MYO5A: variants seen among roughly 807,000 people sequenced by gnomAD.
MYO5A encodes unconventional myosin-Va.
Under a neutral mutation model 249.7 loss-of-function variants are expected in MYO5A, and 98 were observed. The observed-to-expected ratio is 0.39, with a 90% CI of 0.33 to 0.46. The LOEUF (loss-of-function observed/expected upper bound fraction) is 0.46, where lower values mean the gene tolerates loss of function less well. Ranked by LOEUF, MYO5A falls within the 20% of genes least tolerant of loss-of-function variation. The pLI, the probability that MYO5A is intolerant of heterozygous loss-of-function variation, is 0.98. For synonymous variants in MYO5A, 778 were observed against 810.6 expected, an observed-to-expected ratio of 0.96 and a Z score of 0.68; for missense variants, 1,696 against 2,308.8, an observed-to-expected ratio of 0.73 and a Z score of 5.44.
At chr15:52,515,867 C>T (rs1321206911) in intron 1 of MYO5A, among the ~76,000 whole-genome samples, 1 of 151,638 alleles carries the variant, frequency 6.6e-6, no homozygotes, top group Non-Finnish European at 1.5e-5. Flanking sequence ...AGCCCAGGAA[C>T]ATCAATATCT....
Position 52,389,316 on chromosome 15 carries a change from T to C in MYO5A, c.1590A>G (p.Thr530=), listed in dbSNP as rs764272002. Residue 530 remains threonine (T), a synonymous_variant, in exon 13 of 42, where the codon ACA becomes ACG. Coordinates refer to ENST00000399233, the MANE Select transcript of MYO5A (RefSeq NM_001382347.1). ...CAAAGAGTGCACATTTGTTCAAATG[T>C]GTGTTGTACAATTTTTGGGCCCAGG... is the stretch of plus-strand genomic sequence containing the variant. ...DDTWAQKLYN[T]HLNKCALFEK... 10 of 1,612,944 alleles carry C rather than the reference T, an allele frequency of 6.2e-6. No individual in the cohort carries two copies. In the South Asian group the frequency reaches 8.8e-5, roughly 14 times the overall value.
At chr15:52,467,307 T>C (rs577310521) in intron 1 of MYO5A, among the ~76,000 whole-genome samples, 15 of 152,236 alleles carry the variant, frequency 9.9e-5, no homozygotes, top group South Asian at 6.2e-4. Context: ...AGGATGCACA[T>C]GAGGAATTTA....
intron 27 of MYO5A, among the ~76,000 whole-genome samples, chr15:52,352,815 T>C (rs1466599218): frequency 6.6e-6 from 1 of 152,052 alleles, no homozygotes; most frequent in African/African-American, 2.4e-5. Context: ...AAAAAAACTA[T>C]TTAAAGTCCT....
rs36078972 is a variant in MYO5A at position 52,308,836 on chromosome 15, T to C, written c.*4860A>G. On this transcript the variant is annotated 3_prime_UTR_variant, in exon 42 of 42. Transcript: ENST00000399233. The stretch of plus-strand genomic sequence containing the variant: ...AAGGGAGCAAGGGTTAAGGCGGCCC[T>C]CACAGCACAGCCTGAGAACAAATTA... 0.1 allele frequency: 15,226 copies of C among 152,862 alleles called. 927 individuals carry two copies. The highest frequency in any genetic ancestry group is 0.21 in the East Asian group (1,112 of 5,188). 9.5% of individuals were successfully genotyped at this position (152,862 alleles called of 1,614,324 possible).
intron 28 of MYO5A, among the ~76,000 whole-genome samples, chr15:52,350,002 G>A (rs3794568): frequency 0.15 from 22,856 of 152,248 alleles, 1,815 homozygotes; most frequent in Middle Eastern, 0.22. Flanking sequence ...GCACGATCTC[G>A]GCTCACTGCA....
chr15:52,500,400 G>A (rs1595800064), intron 1 of MYO5A, among the ~76,000 whole-genome samples: 1 of 143,466 alleles, frequency 7.0e-6, no homozygotes, highest in African/African-American at 2.6e-5. Context: ...GAGCTGGAGT[G>A]CAATAGCACG....
rs1567074658 is a variant in MYO5A at position 52,384,323 on chromosome 15, C to T, written c.1753-1G>A. On this transcript the variant is annotated splice_acceptor_variant, in intron 14 of 41. Transcript: ENST00000399233. LOFTEE classifies it high-confidence loss of function. ...GAAATAGTTCTGGTAGCATCTTAAA[C>T]TAAGTCAGAAACAATATAAAGAAAT... 6.2e-7 allele frequency: 1 copy of T among 1,614,056 alleles called. No individual in the cohort carries two copies. The highest frequency in any genetic ancestry group is 8.5e-7 in the Non-Finnish European group (1 of 1,179,908).
intron 1 of MYO5A, among the ~76,000 whole-genome samples, chr15:52,445,920 C>A (rs1045227090): frequency 1.3e-5 from 2 of 152,108 alleles, no homozygotes; most frequent in Admixed American, 6.5e-5. Context: ...AGCAAAGAAG[C>A]GACTTAAAGT....
intron 37 of MYO5A, among the ~76,000 whole-genome samples, chr15:52,322,763 C>CT (rs1305205910): frequency 1.3e-5 from 2 of 150,540 alleles, no homozygotes; most frequent in African/African-American, 4.9e-5. Context: ...TTTTTGATCA[C>CT]CCTTTTTTTT....
intron 20 of MYO5A, among the ~76,000 whole-genome samples, chr15:52,372,717 T>C (rs1413976313): frequency 6.6e-6 from 1 of 152,100 alleles, no homozygotes; most frequent in East Asian, 1.9e-4. Flanking sequence ...AAAAAATACA[T>C]TAGGTTTCTT....
chr15:52,410,920 C>G (rs1482857214), intron 5 of MYO5A, among the ~76,000 whole-genome samples: 1 of 152,180 alleles, frequency 6.6e-6, no homozygotes, highest in Non-Finnish European at 1.5e-5. Flanking sequence ...CCACTGCAGG[C>G]ACAGGTGTAT....
In MYO5A at chr15:52,312,259, A is replaced by T. The variant is rs1041181082; in HGVS notation, c.*1437T>A. 3 of 152,228 alleles carry T rather than the reference A, an allele frequency of 2.0e-5. No individual in the cohort carries two copies. The highest frequency in any genetic ancestry group is 6.5e-5 in the Admixed American group (1 of 15,288). 9.4% of individuals were successfully genotyped at this position (152,228 alleles called of 1,614,324 possible). On this transcript the variant is annotated 3_prime_UTR_variant, in exon 42 of 42. Transcript: ENST00000399233. ...ACTTATAGAAGCTGCAAAGCCTTAA[A>T]AACTGAATCATAATGAAATATTTAT...
intron 1 of MYO5A, among the ~76,000 whole-genome samples, chr15:52,436,835 CT>C (rs1208226052): frequency 6.6e-5 from 10 of 152,250 alleles, no homozygotes; most frequent in African/African-American, 2.2e-4. Flanking sequence ...CACATACAAA[CT>C]TTTAATCTAA....
chr15:52,316,811 G>GT (rs1209024156), intron 40 of MYO5A, among the ~76,000 whole-genome samples: 3 of 152,160 alleles, frequency 2.0e-5, no homozygotes, highest in Non-Finnish European at 4.4e-5. Flanking sequence ...ATAGAACACT[G>GT]TAAGTACTCA....
chr15:52,493,290 G>C (rs1305999369), intron 1 of MYO5A, among the ~76,000 whole-genome samples: 1 of 150,026 alleles, frequency 6.7e-6, no homozygotes, highest in Non-Finnish European at 1.5e-5. Context: ...ATTAATTCCA[G>C]AGCTATAAAA....
intron 2 of MYO5A, among the ~76,000 whole-genome samples, chr15:52,430,963 G>A (rs2075517623): frequency 6.6e-6 from 1 of 151,882 alleles, no homozygotes; most frequent in South Asian, 2.1e-4. Flanking sequence ...TGGGTGCAGT[G>A]GCTCATGCCT....
intron 25 of MYO5A, among the ~76,000 whole-genome samples, chr15:52,357,644 A>C (rs2141039786): frequency 6.6e-6 from 1 of 152,280 alleles, no homozygotes; most frequent in African/African-American, 2.4e-5. Flanking sequence ...AGTGGTAATT[A>C]TTTAAGAGTG....
chr15:52,476,043 C>G (rs1033593170), intron 1 of MYO5A, among the ~76,000 whole-genome samples: 5 of 152,126 alleles, frequency 3.3e-5, no homozygotes, highest in Non-Finnish European at 7.3e-5. Flanking sequence ...TTGTAGGTCT[C>G]TAAGGACTTG....
intron 1 of MYO5A, among the ~76,000 whole-genome samples, chr15:52,455,603 A>T (rs1478261934): frequency 6.6e-6 from 1 of 152,166 alleles, no homozygotes; most frequent in Non-Finnish European, 1.5e-5. Context: ...CATTAAAAAG[A>T]TCATTCACCA....
Sources: gnomAD v4.1 joint callset for allele counts (sites outside exome capture counted in the v4.1 genomes callset) on GRCh38, gnomAD v4.1.1 for gene constraint, MANE v1.5 for transcripts, NCBI Gene and HGNC (gene_info 2026-07-23, HGNC 2026-07-21) for gene names.